Variants in SMIM35 observed in about 807,000 individuals in gnomAD.
The protein encoded by SMIM35 is TMPRSS4 antisense RNA 1 (non-protein coding).
intron 1 of SMIM35, among the ~76,000 whole-genome samples, chr11:118,070,437 A>G (rs1424181320): frequency 2.0e-5 from 3 of 152,196 alleles, no homozygotes; most frequent in Non-Finnish European, 4.4e-5. Flanking sequence ...TCGGCCTCCC[A>G]AAGTGCCCGG....
intron 4 of SMIM35, among the ~76,000 whole-genome samples, chr11:118,012,473 C>T (rs1053851891): frequency 2.0e-5 from 3 of 152,238 alleles, no homozygotes; most frequent in African/African-American, 7.2e-5. Context: ...CCCACCATTT[C>T]TGGCCCACTT....
At chr11:118,032,837 G>C (rs1445718782) in intron 1 of SMIM35, among the ~76,000 whole-genome samples, 2 of 152,200 alleles carry the variant, frequency 1.3e-5, no homozygotes, top group Non-Finnish European at 2.9e-5. Flanking sequence ...GAACTCAGGA[G>C]GTGGAGGTTG....
At chr11:118,045,695 T>C (rs540251485) in intron 1 of SMIM35, among the ~76,000 whole-genome samples, 11 of 152,308 alleles carry the variant, frequency 7.2e-5, no homozygotes, top group Middle Eastern at 3.4e-3. Flanking sequence ...ACTAGACCCA[T>C]TGGTTTGTTT....
chr11:118,026,262 C>T (rs1271534354), intron 1 of SMIM35, among the ~76,000 whole-genome samples: 1 of 152,116 alleles, frequency 6.6e-6, no homozygotes, highest in Non-Finnish European at 1.5e-5. Context: ...TAGAACTAAA[C>T]ATAGAAAATG....
chr11:118,054,853 G>C (rs900413812), intron 1 of SMIM35, among the ~76,000 whole-genome samples: 1 of 150,098 alleles, frequency 6.7e-6, no homozygotes, highest in Non-Finnish European at 1.5e-5. Context: ...ACCCAGGCTG[G>C]AGTGCAGTGG....
chr11:118,015,733 G>A lies in SMIM35; in HGVS notation c.84C>T (p.Tyr28=). Residue 28 remains tyrosine (Y), a synonymous_variant, in exon 2 of 5, where the codon TAC becomes TAT. Coordinates refer to ENST00000689828, the MANE Select transcript of SMIM35 (RefSeq NM_001394165.1). ...LLLLLVSILG[Y]SLAKWYQRGY... ...CGCGCTGGTACCACTTGGCCAGGCT[G>A]TAGCCGAGGATGGACACGAGCAGCA... 1 of 399,640 alleles carries A rather than the reference G, an allele frequency of 2.5e-6. No individual in the cohort carries two copies. Among genetic ancestry groups the A allele is most frequent in the Non-Finnish European group, 4.4e-6 (1 of 226,550 alleles). 24.8% of individuals were successfully genotyped at this position (399,640 alleles called of 1,614,324 possible). A position where few individuals can be genotyped will look rare whatever the true frequency, so the allele number is the denominator to read the frequency against.
chr11:118,015,347 C>T (rs1285754824), intron 2 of SMIM35, among the ~76,000 whole-genome samples: 3 of 152,206 alleles, frequency 2.0e-5, no homozygotes, highest in African/African-American at 7.2e-5. Flanking sequence ...GGGGCAGAGA[C>T]ACACAAGGAG....
chr11:118,061,327 C>T (rs1939128), intron 1 of SMIM35, among the ~76,000 whole-genome samples: 34,576 of 152,190 alleles, frequency 0.23, 4,834 homozygotes, highest in Non-Finnish European at 0.32. Context: ...ATAATGCCCA[C>T]CTCACAAGAT....
chr11:118,015,815 G>A lies in SMIM35; in HGVS notation c.8-6C>T, dbSNP rs1051026404. 5.0e-6 allele frequency: 2 copies of A among 399,186 alleles called. No individual in the cohort carries two copies. Among genetic ancestry groups the A allele is most frequent in the African/African-American group, 2.1e-5 (1 of 48,616 alleles). 24.7% of individuals were successfully genotyped at this position (399,186 alleles called of 1,614,324 possible). A position where few individuals can be genotyped will look rare whatever the true frequency, so the allele number is the denominator to read the frequency against. ...GGTGCTGATGGAGTCCTCACCTGCA[G>A]AGACATGCAGCTGTGCACCCTCCCA... On this transcript the variant is annotated splice_polypyrimidine_tract_variant and splice_region_variant and intron_variant, in intron 1 of 4. Transcript: ENST00000689828.
At chr11:118,008,750 A>AAATCT (rs2058135663) in intron 4 of SMIM35, among the ~76,000 whole-genome samples, 2 of 152,224 alleles carry the variant, frequency 1.3e-5, no homozygotes, top group Non-Finnish European at 2.9e-5. Flanking sequence ...CAATTTCCTG[A>AAATCT]GAAGTTCCTG....
intron 1 of SMIM35, among the ~76,000 whole-genome samples, chr11:118,079,337 A>G (rs1218261095): frequency 1.3e-5 from 2 of 151,968 alleles, no homozygotes; most frequent in African/African-American, 4.8e-5. Flanking sequence ...CCATCCCCAC[A>G]GGCCCCTTTC....
chr11:118,023,664 A>G (rs113286125), intron 1 of SMIM35, among the ~76,000 whole-genome samples: 2,856 of 152,214 alleles, frequency 0.019, 80 homozygotes, highest in African/African-American at 0.066. Context: ...ATCACAGAAG[A>G]AAAAAGTAGT....
chr11:118,067,860 C>CATATAT lies in SMIM35; in HGVS notation c.7+18885_7+18890dup, dbSNP rs57497227. Among the ~76,000 whole-genome samples the CATATAT allele has an allele frequency of 1.7e-3, 139 of 80,800 alleles. 2 individuals are homozygous for CATATAT. Among genetic ancestry groups the CATATAT allele is most frequent in the Non-Finnish European group, 2.2e-3 (95 of 42,858 alleles). 53.0% of individuals were successfully genotyped at this position (80,800 alleles called of 152,430 possible). ...AAAACAACCACAAAACAACAACAAA[C>CATATAT]ATATATATATATATATATATATATA... On this transcript the variant is annotated intron_variant, in intron 1 of 4. Transcript: ENST00000689828.
intron 1 of SMIM35, among the ~76,000 whole-genome samples, chr11:118,028,065 G>C (rs76153605): frequency 7.4e-4 from 113 of 152,290 alleles, no homozygotes; most frequent in Middle Eastern, 6.8e-3. Flanking sequence ...TCCCTGCTTC[G>C]CTGTCCCTCT....
At chr11:118,031,513 G>A (rs1853546235) in intron 1 of SMIM35, among the ~76,000 whole-genome samples, 1 of 152,168 alleles carries the variant, frequency 6.6e-6, no homozygotes, top group Non-Finnish European at 1.5e-5. Flanking sequence ...AGCAATGGCT[G>A]TTAAGTTTTC....
intron 1 of SMIM35, among the ~76,000 whole-genome samples, chr11:118,083,344 C>A (rs1048375191): frequency 3.3e-5 from 5 of 152,212 alleles, no homozygotes; most frequent in African/African-American, 1.2e-4. Context: ...CGTGTTCCAC[C>A]CTCTCTTCCG....
chr11:118,063,342 A>T (rs1944421124), intron 1 of SMIM35, among the ~76,000 whole-genome samples: 1 of 151,962 alleles, frequency 6.6e-6, no homozygotes, highest in Non-Finnish European at 1.5e-5. Context: ...TGTTTCTTTC[A>T]GTTGATGATT....
intron 1 of SMIM35, among the ~76,000 whole-genome samples, chr11:118,032,287 T>C (rs1196174331): frequency 1.3e-5 from 2 of 152,222 alleles, no homozygotes; most frequent in Non-Finnish European, 2.9e-5. Context: ...AGTGTATTGT[T>C]ATTAATTTTC....
intron 1 of SMIM35, chr11:118,058,969 G>C (rs186086341): frequency 1.3e-5 from 2 of 152,416 alleles, no homozygotes; most frequent in Non-Finnish European, 2.9e-5. Context: ...TCCCCAGAGC[G>C]TGGTGACAGA....
Sources: allele counts gnomAD v4.1 joint callset (sites outside exome capture counted in the v4.1 genomes callset), GRCh38; gene constraint gnomAD v4.1.1; transcripts MANE v1.5; gene names NCBI Gene and HGNC (gene_info 2026-07-23, HGNC 2026-07-21).